Variants in AFG3L2 observed in about 807,000 individuals in gnomAD.
AFG3L2 encodes the protein mitochondrial inner membrane m-AAA protease component AFG3L2.
In AFG3L2, 54 loss-of-function variants were observed where a neutral mutation model predicts 94.5. That is an observed-to-expected ratio of 0.57 (90% CI 0.46 to 0.72). AFG3L2 has a LOEUF of 0.72. Among genes scored for constraint, AFG3L2 ranks in the 30% least tolerant of loss-of-function variants. The pLI is 0.00. For synonymous variants in AFG3L2, 377 were observed against 365.5 expected, an observed-to-expected ratio of 1.03 and a Z score of -0.36; for missense variants, 754 against 994.9, an observed-to-expected ratio of 0.76 and a Z score of 3.26.
chr18:12,362,271 C>T (rs1908684546), intron 6 of AFG3L2, among the ~76,000 whole-genome samples: 1 of 152,188 alleles, frequency 6.6e-6, no homozygotes, highest in Non-Finnish European at 1.5e-5. Context: ...GTGATTAATA[C>T]TGCTGCTCCA....
chr18:12,344,403 A>G (rs181663125), intron 13 of AFG3L2, 156 bp from the exon 14 acceptor site: 11 of 673,350 alleles, frequency 1.6e-5, no homozygotes, highest in East Asian at 2.9e-5. Context: ...GGCCAGGCGC[A>G]GTGGCTCATG....
intron 8 of AFG3L2, among the ~76,000 whole-genome samples, chr18:12,358,394 C>T (rs1015762122): frequency 1.2e-4 from 18 of 152,150 alleles, no homozygotes; most frequent in Non-Finnish European, 1.9e-4. Context: ...AGAGATAGGG[C>T]ATCTAAATCA....
intron 9 of AFG3L2, among the ~76,000 whole-genome samples, chr18:12,355,361 T>C (rs11664216): frequency 0.67 from 101,817 of 152,044 alleles, 35,686 homozygotes; most frequent in Non-Finnish European, 0.78. Flanking sequence ...TCACTCCTCA[T>C]CATGGAAATG....
chr18:12,346,672 G>A (rs1157778818), intron 13 of AFG3L2, among the ~76,000 whole-genome samples: 4 of 152,154 alleles, frequency 2.6e-5, no homozygotes, highest in Non-Finnish European at 5.9e-5. Context: ...GGGAGGCCGA[G>A]GCAGGCAGAT....
At chr18:12,348,975 AAAGAC>A (rs1447830482) in intron 12 of AFG3L2, among the ~76,000 whole-genome samples, 1 of 152,264 alleles carries the variant, frequency 6.6e-6, no homozygotes. Flanking sequence ...TTCAAAGTCC[AAAGAC>A]AAGTAAAAAG....
At chr18:12,376,497 T>C (rs1475903765) in intron 1 of AFG3L2, among the ~76,000 whole-genome samples, 1 of 152,124 alleles carries the variant, frequency 6.6e-6, no homozygotes, top group African/African-American at 2.4e-5. Context: ...TAATAGCTAA[T>C]ACTGCCAGTC....
At position 12,371,617 on chromosome 18, in the gene AFG3L2, T is replaced by C. The variant is rs1908993391; in HGVS notation, c.189A>G (p.Gln63=). 6.2e-7 allele frequency: 1 copy of C among 1,614,048 alleles called. No individual in the cohort carries two copies. The highest frequency in any genetic ancestry group is 1.3e-5 in the African/African-American group (1 of 75,058). The change falls in exon 2 of 17, where the codon CAA becomes CAG. Residue 63 remains glutamine (Q), a synonymous_variant. Transcript: ENST00000269143. Reference sequence around the variant, plus strand: ...CTTTTGGGGGTCGAGAACAGAATCTTTGATAAGCAGCAATTATATCTGTCA... The same window carrying C: ...CTTTTGGGGGTCGAGAACAGAATCTCTGATAAGCAGCAATTATATCTGTCA... ...SLLTDIIAAY[Q]RFCSRPPKGF... is the part of the protein sequence containing the mutation.
At chr18:12,371,762 G>A (rs2143235266) in intron 1 of AFG3L2, 71 bp from the exon 2 acceptor site, 1 of 1,259,898 alleles carries the variant, frequency 7.9e-7, no homozygotes, top group South Asian at 1.2e-5. Flanking sequence ...TCATTTCCTG[G>A]TCATAAAGTA....
intron 6 of AFG3L2, among the ~76,000 whole-genome samples, chr18:12,362,455 A>C (rs1908689342): frequency 6.6e-6 from 1 of 152,240 alleles, no homozygotes; most frequent in African/African-American, 2.4e-5. Context: ...CCTGTCCCTC[A>C]AGACTGTATA....
rs974496015 is a variant in AFG3L2 at position 12,346,524 on chromosome 18, T to G, written c.1663+1749A>C. On this transcript the variant is annotated intron_variant, in intron 13 of 16. Transcript: ENST00000269143. ...TCCCCCCTGATAAGCTGTGGGCTCA[T>G]GGTGCTCACAGTGATGACTGCAAGG... Among the ~76,000 whole-genome samples the G allele has an allele frequency of 7.9e-5, 12 of 152,172 alleles. No individual in the cohort carries two copies. In the East Asian group the frequency reaches 2.3e-3, roughly 29 times the overall value.
intron 3 of AFG3L2, among the ~76,000 whole-genome samples, chr18:12,367,827 G>C (rs943524586): frequency 2.6e-4 from 40 of 152,150 alleles, no homozygotes; most frequent in African/African-American, 8.9e-4. Context: ...CAAAGCAGGA[G>C]AATCCCTTGA....
At chr18:12,337,170 C>CA in intron 16 of AFG3L2, 171 bp downstream of exon 16, 1 of 678,628 alleles carries the variant, frequency 1.5e-6, no homozygotes, top group Non-Finnish European at 2.7e-6. Context: ...CACCACATTG[C>CA]AACCCCCGCT....
chr18:12,359,955 G>A lies in AFG3L2; in HGVS notation c.724C>T (p.Pro242Ser), dbSNP rs1355932627. The change falls in exon 7 of 17, where the codon CCT (proline) becomes TCT (serine). Residue 242 changes from proline to serine, a missense_variant. Transcript: ENST00000269143. ...TCACTTTCAGCAATGTAGACAACAG[G>A]CACCCGATTTTCTCCTTCTATGCCC... ...ELGIEGENRV[P>S]VVYIAESDGS... 6.2e-7 allele frequency: 1 copy of A among 1,613,842 alleles called. No homozygotes were observed.
chr18:12,338,524 G>A (rs982054317), intron 15 of AFG3L2, among the ~76,000 whole-genome samples: 1 of 152,058 alleles, frequency 6.6e-6, no homozygotes, highest in Non-Finnish European at 1.5e-5. Flanking sequence ...AAACTCACTG[G>A]AAAAAAGAGA....
At chr18:12,334,983 T>C (rs1598819348) in intron 16 of AFG3L2, among the ~76,000 whole-genome samples, 1 of 152,216 alleles carries the variant, frequency 6.6e-6, no homozygotes, top group Non-Finnish European at 1.5e-5. Context: ...AAACGCATTA[T>C]GCCAAGGGGA....
intron 13 of AFG3L2, among the ~76,000 whole-genome samples, chr18:12,347,536 A>G (rs908053132): frequency 7.1e-6 from 1 of 141,646 alleles, no homozygotes; most frequent in Admixed American, 7.5e-5. Flanking sequence ...CAGTTATTTT[A>G]TTTTATTTAT....
chr18:12,362,298 G>C (rs1908685324), intron 6 of AFG3L2, among the ~76,000 whole-genome samples: 2 of 152,294 alleles, frequency 1.3e-5, no homozygotes, highest in Non-Finnish European at 2.9e-5. Context: ...GCAAGACACT[G>C]AAAATCTGTT....
chr18:12,375,792 G>A (rs1598842440), intron 1 of AFG3L2, among the ~76,000 whole-genome samples: 1 of 151,988 alleles, frequency 6.6e-6, no homozygotes, highest in South Asian at 2.1e-4. Flanking sequence ...TGATCCACCC[G>A]CCTGCTGGGA....
chr18:12,333,315 A>AATATATAATATATAAAATTAT (rs1283517930), intron 16 of AFG3L2, among the ~76,000 whole-genome samples: 16 of 130,918 alleles, frequency 1.2e-4, no homozygotes, highest in Admixed American at 3.7e-4. Context: ...ATATATTATA[A>AATATATAATATATAAAATTAT]ATATATAATA....
Sources: gnomAD v4.1 joint callset for allele counts (sites outside exome capture counted in the v4.1 genomes callset) on GRCh38, gnomAD v4.1.1 for gene constraint, MANE v1.5 for transcripts, NCBI Gene and HGNC (gene_info 2026-07-23, HGNC 2026-07-21) for gene names.